Variants in PCDHGB3 observed in about 807,000 individuals in gnomAD.
The protein encoded by PCDHGB3 is protocadherin gamma-B3.
In PCDHGB3, 40 loss-of-function variants were observed where a neutral mutation model predicts 59.2. That is an observed-to-expected ratio of 0.68 (90% confidence interval 0.52 to 0.88). The LOEUF is 0.88. Among genes scored for constraint, PCDHGB3 ranks in the 40% least tolerant of loss-of-function variants. The probability of loss-of-function intolerance (pLI) is 0.00; values close to 1 mark genes in which losing one functional copy is unlikely to be tolerated. For synonymous variants in PCDHGB3, 581 were observed against 503.6 expected (o/e 1.15, Z -2.06); for missense variants, 1,309 against 1,187.9 (o/e 1.10, Z -1.50).
rs775918752 is a variant in PCDHGB3 at position 141,375,143 on chromosome 5, A to G, written c.2415+2334A>G. On this transcript the variant is annotated intron_variant, in intron 1 of 3. Transcript: ENST00000576222. Reference sequence around the variant, plus strand: ...AGAAGTGGTTGTTACATCTGGAAGCAGAACAATTGCTGAAAGTGCACCTCC... The same window carrying G: ...AGAAGTGGTTGTTACATCTGGAAGCGGAACAATTGCTGAAAGTGCACCTCC... 20 of 1,613,992 alleles carry G rather than the reference A, an allele frequency of 1.2e-5. No homozygotes were observed. The Admixed American group carries it at 2.8e-4, about 23-fold the overall frequency.
intron 1 of PCDHGB3, chr5:141,398,797 G>C (rs1338071296): frequency 1.2e-6 from 2 of 1,613,898 alleles, no homozygotes; most frequent in Non-Finnish European, 1.7e-6. Flanking sequence ...ACCCCTAAGC[G>C]GCACCACTGA....
chr5:141,460,981 G>GTA (rs1491204135), intron 1 of PCDHGB3, among the ~76,000 whole-genome samples: 1,658 of 121,856 alleles, frequency 0.014, 27 homozygotes, highest in African/African-American at 0.051. Flanking sequence ...GTGTGTGTGT[G>GTA]TGTATATATA....
chr5:141,398,472 C>T (rs2093659150), intron 1 of PCDHGB3: 1 of 1,606,348 alleles, frequency 6.2e-7, no homozygotes, highest in Non-Finnish European at 8.5e-7. Context: ...ATCCACTGAA[C>T]TTTTATCACG....
At chr5:141,495,814 T>C (rs2099764028) in intron 2 of PCDHGB3, among the ~76,000 whole-genome samples, 1 of 152,134 alleles carries the variant, frequency 6.6e-6, no homozygotes, top group Non-Finnish European at 1.5e-5. Context: ...TCCTAGCGCC[T>C]TGTGTTCTTC....
chr5:141,376,576 T>G, intron 1 of PCDHGB3: 1 of 1,596,960 alleles, frequency 6.3e-7, no homozygotes, highest in Non-Finnish European at 8.5e-7. Context: ...TCAGACAGGC[T>G]CATCAGCTAG....
At position 141,404,066 on chromosome 5, in the gene PCDHGB3, C is replaced by G. The variant is rs745515085; in HGVS notation, c.2415+31257C>G. The G allele has an allele frequency of 3.1e-6, 5 of 1,613,776 alleles. No individual in the cohort carries two copies. The East Asian group carries it at 8.9e-5, about 29-fold the overall frequency. On this transcript the variant is annotated intron_variant, in intron 1 of 3. Transcript: ENST00000576222. ...AACAGTAATTCTTCTTTTCAATGCT[C>G]ATGACCGAGACTCCGGGAAGAATGG...
chr5:141,506,444 CAAAAAA>C (rs1219684339), intron 3 of PCDHGB3, among the ~76,000 whole-genome samples: 1 of 95,026 alleles, frequency 1.1e-5, no homozygotes, highest in African/African-American at 4.0e-5. Flanking sequence ...CGCTCTGTCT[CAAAAAA>C]AAAAAAAAAA....
rs201704748 is a variant in PCDHGB3, at chr5:141,431,453, G to A, written c.2415+58644G>A. The A allele has an allele frequency of 5.7e-4, 914 of 1,613,802 alleles. 10 individuals are homozygous for A. The South Asian group carries it at 9.6e-3, about 17-fold the overall frequency. ...AGGCACCGCGCGCATCCGCGTGATG[G>A]TTCTGGATGCGAACGACAACGCACC... On this transcript the variant is annotated intron_variant, in intron 1 of 3. Coordinates refer to ENST00000576222, the MANE Select transcript of PCDHGB3 (RefSeq NM_018924.5). This position sits in a 1 kb window ranked among gnomAD's most constrained non-coding sequence, Gnocchi z 4.8.
In PCDHGB3 at chr5:141,415,757, T is replaced by G. The variant is rs765276447; in HGVS notation, c.2415+42948T>G. The G allele has an allele frequency of 5.6e-3, 7,497 of 1,346,942 alleles. 12 individuals are homozygous for G. The highest frequency in any genetic ancestry group is 0.012 in the East Asian group (422 of 35,004). The allele number at this position is 1,346,942 out of a possible 1,614,324, so 83.4% of individuals were successfully genotyped here. A position where few individuals can be genotyped will look rare whatever the true frequency, so the allele number is the denominator to read the frequency against. ...TTATTAAGGTTTTTTTTTTTTTTTT[T>G]TTTTTTTTTTTTTTTACTTTCTGGT... On this transcript the variant is annotated intron_variant, in intron 1 of 3. Coordinates refer to ENST00000576222, the MANE Select transcript of PCDHGB3 (RefSeq NM_018924.5).
At chr5:141,383,430 C>T in intron 1 of PCDHGB3, 1 of 1,614,016 alleles carries the variant, frequency 6.2e-7, no homozygotes, top group Non-Finnish European at 8.5e-7. Context: ...CCAATCGCCA[C>T]TTCTCCCTGG....
intron 1 of PCDHGB3, chr5:141,417,697 C>T: frequency 8.8e-7 from 1 of 1,140,966 alleles, no homozygotes; most frequent in Non-Finnish European, 1.2e-6. Context: ...AAAACCAGCT[C>T]CCACACAGAG....
chr5:141,381,143 G>A (rs1277267624), intron 1 of PCDHGB3, among the ~76,000 whole-genome samples: 1 of 152,184 alleles, frequency 6.6e-6, no homozygotes, highest in Non-Finnish European at 1.5e-5. Flanking sequence ...CCACCAGAAA[G>A]CAGAAATAGG....
chr5:141,410,115 C>T, intron 1 of PCDHGB3: 1 of 1,612,624 alleles, frequency 6.2e-7, no homozygotes. Context: ...AGGGACGCAG[C>T]CCGCCAGCGC....
chr5:141,371,709 A>G lies in PCDHGB3; in HGVS notation c.1315A>G (p.Thr439Ala). The G allele has an allele frequency of 6.2e-7, 1 of 1,613,916 alleles. No individual in the cohort carries two copies. Among genetic ancestry groups the G allele is most frequent in the East Asian group, 2.2e-5 (1 of 44,880 alleles). Residue 439 changes from threonine (T) to alanine (A), a missense_variant, in exon 1 of 4, where the codon ACT becomes GCT. Thr to Ala is a moderately conservative substitution (Grantham distance 58, BLOSUM62 0). Coordinates refer to ENST00000576222, the MANE Select transcript of PCDHGB3 (RefSeq NM_018924.5). ...ACCGCTCTCCTCCAGCAAGACCATC[A>G]CTCTGCACATCCTTGATGTCAACGA... ...NPPLSSSKTI[T>A]LHILDVNDNV...
rs1425448852 is a variant in PCDHGB3, at chr5:141,493,717, C to T, written c.2416-1090C>T. Among the ~76,000 whole-genome samples the T allele has an allele frequency of 1.3e-5, 2 of 152,208 alleles. No individual in the cohort carries two copies. The highest frequency in any genetic ancestry group is 3.8e-4 in the East Asian group (2 of 5,202). On this transcript the variant is annotated intron_variant, in intron 1 of 3. Coordinates refer to ENST00000576222, the MANE Select transcript of PCDHGB3 (RefSeq NM_018924.5). This position sits in a 1 kb window ranked among gnomAD's most constrained non-coding sequence, Gnocchi z 4.3. ...CCGATACACCTGGAATGCTAGGTTT[C>T]TGGGTTCTGCTCATATCACTGCCAC...
At chr5:141,450,932 C>G (rs868373954) in intron 1 of PCDHGB3, among the ~76,000 whole-genome samples, 1 of 151,134 alleles carries the variant, frequency 6.6e-6, no homozygotes, top group Admixed American at 6.6e-5. Context: ...TCAAGCAATT[C>G]TCCTACCTCA....
chr5:141,382,945 C>A, intron 1 of PCDHGB3: 1 of 1,597,008 alleles, frequency 6.3e-7, no homozygotes, highest in Non-Finnish European at 8.6e-7. Flanking sequence ...ATTCTTCCTG[C>A]TCTCCATCCT....
intron 1 of PCDHGB3, chr5:141,413,907 G>C (rs745956130): frequency 6.2e-7 from 1 of 1,613,270 alleles, no homozygotes; most frequent in Non-Finnish European, 8.5e-7. Context: ...ACAACGCGCC[G>C]GTCTTCACCT....
chr5:141,384,102 T>C, intron 1 of PCDHGB3: 1 of 1,599,484 alleles, frequency 6.3e-7, no homozygotes, highest in Non-Finnish European at 8.5e-7. Context: ...TAGATAATTA[T>C]TATAGATTGG....
Sources: allele counts gnomAD v4.1 joint callset (sites outside exome capture counted in the v4.1 genomes callset), GRCh38; gene constraint gnomAD v4.1.1; non-coding constraint Gnocchi (gnomAD v3.1); transcripts MANE v1.5; gene names NCBI Gene and HGNC (gene_info 2026-07-23, HGNC 2026-07-21).